Variants in SLCO1A2 observed in about 807,000 individuals in gnomAD.
The protein encoded by SLCO1A2 is solute carrier organic anion transporter family member 1A2.
SLCO1A2 carries 67 observed loss-of-function variants against 69.0 expected under a neutral mutation model. The ratio of observed to expected loss-of-function variants is 0.97; its 90% CI spans 0.80 to 1.19. The LOEUF (loss-of-function observed/expected upper bound fraction) is 1.19. Among genes scored for constraint, SLCO1A2 ranks in the 50% most tolerant of loss-of-function variants. The pLI is 0.00. For missense variants in SLCO1A2, 787 were observed against 793.7 expected, an observed-to-expected ratio of 0.99 and a Z score of 0.10; for synonymous variants, 260 against 265.9, an observed-to-expected ratio of 0.98 and a Z score of 0.22.
rs1022984376 is a variant in SLCO1A2 at position 21,378,182 on chromosome 12, G to T, written c.-189-3657C>A. The T allele has an allele frequency of 2.0e-6, 3 of 1,487,090 alleles. No homozygotes were observed. The Admixed American group carries it at 5.0e-5, about 25-fold the overall frequency. 92.1% of individuals were successfully genotyped at this position (1,487,090 alleles called of 1,614,324 possible). ...ACAAGATATTTGATGTCACATGGCT[G>T]GATCCAGCTAAAATTCTAAGGCTCT... On this transcript the variant is annotated intron_variant, in intron 1 of 15. Transcript: ENST00000307378.
At chr12:21,271,119 A>G (rs184469560) in intron 14 of SLCO1A2, among the ~76,000 whole-genome samples, 23 of 151,944 alleles carry the variant, frequency 1.5e-4, no homozygotes, top group Admixed American at 1.2e-3. Context: ...TAAATGCTCT[A>G]TTTGCAAATA....
At chr12:21,276,680 C>T (rs113601942) in intron 12 of SLCO1A2, among the ~76,000 whole-genome samples, 4,650 of 152,182 alleles carry the variant, frequency 0.031, 66 homozygotes, top group Middle Eastern at 0.051. Flanking sequence ...CAACACCAGC[C>T]CTCCCATCCC....
chr12:21,395,795 G>C (rs1293178962), upstream of SLCO1A2, among the ~76,000 whole-genome samples: 1 of 152,124 alleles, frequency 6.6e-6, no homozygotes, highest in Non-Finnish European at 1.5e-5. Context: ...TACTCCAACA[G>C]ACCTGCAGCT....
chr12:21,376,007 G>A (rs1361897259), intron 1 of SLCO1A2, among the ~76,000 whole-genome samples: 1 of 151,986 alleles, frequency 6.6e-6, no homozygotes. Flanking sequence ...TATATATACT[G>A]AATAGTATAT....
Position 21,269,243 on chromosome 12 carries a change from A to G in SLCO1A2, c.*305T>C, listed in dbSNP as rs369845166. On this transcript the variant is annotated 3_prime_UTR_variant, in exon 15 of 15. Coordinates refer to ENST00000683939, the MANE Select transcript of SLCO1A2 (RefSeq NM_001386879.1). The stretch of plus-strand genomic sequence containing the variant: ...AGAAAATTTTTAGAAGTATTAGTAG[A>G]AGGAGATGTAGGAAGTACACCCTTA... The G allele has an allele frequency of 2.4e-4, 46 of 191,810 alleles. No homozygotes were observed. The highest frequency in any genetic ancestry group is 8.6e-4 in the African/African-American group (37 of 43,108). The allele number at this position is 191,810 out of a possible 1,614,324, so 11.9% of individuals were successfully genotyped here. A position where few individuals can be genotyped will look rare whatever the true frequency, so the allele number is the denominator to read the frequency against.
intron 12 of SLCO1A2, among the ~76,000 whole-genome samples, chr12:21,289,791 T>A (rs61927761): frequency 0.1 from 15,333 of 150,138 alleles, 973 homozygotes; most frequent in Non-Finnish European, 0.15. Context: ...TCTGGACTTG[T>A]GATTTTGTGA....
intron 12 of SLCO1A2, among the ~76,000 whole-genome samples, chr12:21,280,172 GA>G (rs1944532635): frequency 6.6e-6 from 1 of 151,586 alleles, no homozygotes; most frequent in African/African-American, 2.4e-5. Flanking sequence ...CTGAAAGGAA[GA>G]AAAAAAGGAA....
chr12:21,319,463 T>C, intron 2 of SLCO1A2: 1 of 1,367,148 alleles, frequency 7.3e-7, no homozygotes, highest in Non-Finnish European at 9.8e-7. Context: ...TCCAGAACAA[T>C]CTGAGTTATG....
intron 2 of SLCO1A2, among the ~76,000 whole-genome samples, chr12:21,343,480 A>G (rs930535353): frequency 9.9e-5 from 15 of 152,044 alleles, no homozygotes; most frequent in African/African-American, 3.4e-4. Context: ...CTCAAGTGTA[A>G]CTTCTTACAG....
chr12:21,304,578 A>G lies in SLCO1A2; in HGVS notation c.443-5T>C, dbSNP rs781618533. ...ATTTAACTTCCTTTGTACACTCTGC[A>G]TTAAAAAAAAAAGACATGACATTAG... is the stretch of plus-strand genomic sequence containing the variant. On this transcript the variant is annotated splice_region_variant and splice_polypyrimidine_tract_variant and intron_variant, in intron 5 of 14. Transcript: ENST00000683939. 11 of 1,573,574 alleles carry G rather than the reference A, an allele frequency of 7.0e-6. No individual in the cohort carries two copies. The highest frequency in any genetic ancestry group is 7.7e-6 in the Non-Finnish European group (9 of 1,168,530).
chr12:21,385,088 T>C (rs1202007853), intron 1 of SLCO1A2, among the ~76,000 whole-genome samples: 1 of 152,146 alleles, frequency 6.6e-6, no homozygotes, highest in Non-Finnish European at 1.5e-5. Flanking sequence ...AAACTCTTTT[T>C]TACCTTCATG....
chr12:21,418,679 C>T (rs1348734350), upstream of SLCO1A2, among the ~76,000 whole-genome samples: 3 of 152,004 alleles, frequency 2.0e-5, no homozygotes, highest in African/African-American at 7.3e-5. Context: ...TATCTCCCAC[C>T]GGGTCCCTCC....
Position 21,300,376 on chromosome 12 carries a change from G to T in SLCO1A2, c.882C>A (p.Val294=). 1 of 1,611,744 alleles carries T rather than the reference G, an allele frequency of 6.2e-7. No homozygotes were observed. Among genetic ancestry groups the T allele is most frequent in the South Asian group, 1.1e-5 (1 of 90,876 alleles). ...TAGTGATTCCATATTTTTCCTTCTT[G>T]ACCTCTTCTTTTTGTTTGTCTTCAT... ...NENEDKQKEE[V]KKEKYGITKD... is the part of the protein sequence containing the mutation. Residue 294 remains valine (V), a synonymous_variant, in exon 8 of 15, where the codon GTC becomes GTA. Transcript: ENST00000683939.
intron 4 of SLCO1A2, among the ~76,000 whole-genome samples, chr12:21,312,612 T>G (rs2136653300): frequency 6.6e-6 from 1 of 152,302 alleles, no homozygotes; most frequent in East Asian, 1.9e-4. Flanking sequence ...TGTGCAACTC[T>G]TTCTTTCACT....
chr12:21,277,767 G>C (rs889989306), intron 12 of SLCO1A2, among the ~76,000 whole-genome samples: 1 of 152,132 alleles, frequency 6.6e-6, no homozygotes, highest in Non-Finnish European at 1.5e-5. Flanking sequence ...TAGGGTTCAC[G>C]CTCCTATGAG....
At chr12:21,314,879 G>A (rs1950682600) in intron 3 of SLCO1A2, among the ~76,000 whole-genome samples, 198 bp from the exon 4 acceptor site, 1 of 152,110 alleles carries the variant, frequency 6.6e-6, no homozygotes, top group African/African-American at 2.4e-5. Context: ...TTGCAATGTA[G>A]ACAGATACAG....
At chr12:21,375,064 T>C (rs1940092289) in intron 1 of SLCO1A2, among the ~76,000 whole-genome samples, 1 of 152,162 alleles carries the variant, frequency 6.6e-6, no homozygotes, top group East Asian at 1.9e-4. Context: ...GCCTTCCTCC[T>C]GCCTCAGTCT....
intron 2 of SLCO1A2, among the ~76,000 whole-genome samples, chr12:21,346,353 G>A (rs1033323493): frequency 4.6e-5 from 7 of 152,030 alleles, no homozygotes; most frequent in Non-Finnish European, 7.4e-5. Context: ...CAGAACTGTC[G>A]GTGAGAGAGC....
At chr12:21,383,346 C>T (rs1940705752) in intron 1 of SLCO1A2, among the ~76,000 whole-genome samples, 1 of 152,008 alleles carries the variant, frequency 6.6e-6, no homozygotes. Flanking sequence ...CTAAGTAGAC[C>T]CACATCCTAT....
Sources: gnomAD v4.1 joint callset for allele counts (sites outside exome capture counted in the v4.1 genomes callset) on GRCh38, gnomAD v4.1.1 for gene constraint, MANE v1.5 for transcripts, NCBI Gene and HGNC (gene_info 2026-07-23, HGNC 2026-07-21) for gene names.